Variants in EFCAB5 observed in about 807,000 individuals in gnomAD.
EFCAB5 encodes EF-hand calcium binding domain 5.
Under a neutral mutation model 167.9 loss-of-function variants are expected in EFCAB5, and 131 were observed. The observed-to-expected ratio is 0.78, with a 90% CI of 0.68 to 0.90. The LOEUF is 0.90. Ranked by LOEUF, EFCAB5 falls within the 40% of genes least tolerant of loss-of-function variation. The pLI is 0.00. For synonymous variants in EFCAB5, 574 were observed against 602.8 expected (o/e 0.95, Z 0.70); for missense variants, 1,663 against 1,745.2 (o/e 0.95, Z 0.84).
At chr17:29,930,299 C>T (rs933977101) in intron 1 of EFCAB5, 4 of 456,472 alleles carry the variant, frequency 8.8e-6, no homozygotes, top group African/African-American at 4.2e-5. Context: ...GCCGCCTGGT[C>T]GTAACCCTTG....
At chr17:30,000,111 C>T (rs2068630762) in intron 7 of EFCAB5, 135 bp downstream of exon 7, 1 of 597,000 alleles carries the variant, frequency 1.7e-6, no homozygotes, top group Admixed American at 3.2e-5. Flanking sequence ...AAAATATGTA[C>T]TTTAAAATAT....
Position 29,969,187 on chromosome 17 carries a change from A to G in EFCAB5, c.587A>G (p.Lys196Arg), listed in dbSNP as rs764617359. Residue 196 changes from lysine to arginine, a missense_variant, in exon 4 of 23, where the codon AAG becomes AGG. Physicochemically the swap from Lys to Arg is conservative, Grantham distance 26. Transcript: ENST00000394835. The part of the protein sequence containing the change: ...VENMLTQVEK[K>R]KVLTEADTPS... The stretch of plus-strand genomic sequence containing the variant: ...AACATGTTAACTCAAGTAGAAAAGA[A>G]GAAGGTTTTGACAGAAGCTGATACT... 14 of 1,613,792 alleles carry G rather than the reference A, an allele frequency of 8.7e-6. 1 individual carries two copies. In the Admixed American group the frequency reaches 2.2e-4, roughly 25 times the overall value.
chr17:30,101,744 T>A (rs1157525270), intron 22 of EFCAB5, among the ~76,000 whole-genome samples: 1 of 151,980 alleles, frequency 6.6e-6, no homozygotes, highest in African/African-American at 2.4e-5. Context: ...GAGGAGGAAA[T>A]GGGGTCAAGG....
At chr17:29,993,372 G>T (rs1405471282) in intron 5 of EFCAB5, 51 bp downstream of exon 5, 1 of 1,565,290 alleles carries the variant, frequency 6.4e-7, no homozygotes, top group Non-Finnish European at 8.7e-7. Context: ...AGTGGTAAAA[G>T]GGCAATTGCT....
Position 30,053,356 on chromosome 17 carries a change from A to ATG in EFCAB5, c.1403_1404dup (p.Asn469Ter), listed in dbSNP as rs762004735. On this transcript the variant is annotated frameshift_variant, in exon 10 of 23. Coordinates refer to ENST00000394835, the MANE Select transcript of EFCAB5 (RefSeq NM_198529.4). LOFTEE classifies it high-confidence loss of function. Reference sequence around the variant, plus strand: ...AGGTTTTGACAAAGTGCTCTTGGAGATGAATACATTACTTTCTGCAAATCA... The same window carrying ATG: ...AGGTTTTGACAAAGTGCTCTTGGAGATGTGAATACATTACTTTCTGCAAATCA... 2 of 1,614,034 alleles carry ATG rather than the reference A, an allele frequency of 1.2e-6. No individual in the cohort carries two copies. The highest frequency in any genetic ancestry group is 2.7e-5 in the African/African-American group (2 of 75,058).
intron 9 of EFCAB5, 76 bp downstream of exon 9, chr17:30,051,293 A>C (rs1219685043): frequency 8.4e-7 from 1 of 1,196,122 alleles, no homozygotes; most frequent in East Asian, 2.4e-5. Flanking sequence ...TGATACACTG[A>C]TATGTTAACA....
chr17:30,010,645 T>C (rs2068875721), intron 7 of EFCAB5, among the ~76,000 whole-genome samples: 1 of 152,242 alleles, frequency 6.6e-6, no homozygotes, highest in African/African-American at 2.4e-5. Flanking sequence ...CACTTTTTGA[T>C]GCAGTTGTTT....
intron 22 of EFCAB5, among the ~76,000 whole-genome samples, chr17:30,094,328 T>C (rs2071253751): frequency 6.6e-6 from 1 of 151,964 alleles, no homozygotes; most frequent in Non-Finnish European, 1.5e-5. Flanking sequence ...GTTGTGCACA[T>C]GTGCCCTAAA....
At chr17:30,062,820 G>T (rs1406866907) in intron 14 of EFCAB5, among the ~76,000 whole-genome samples, 1 of 152,130 alleles carries the variant, frequency 6.6e-6, no homozygotes, top group Non-Finnish European at 1.5e-5. Flanking sequence ...GGCCAAAGCT[G>T]AGGCAGTACT....
intron 3 of EFCAB5, among the ~76,000 whole-genome samples, chr17:29,951,525 A>ATT (rs1406367953): frequency 8.4e-6 from 1 of 119,422 alleles, no homozygotes; most frequent in African/African-American, 3.0e-5. Context: ...TTTTTTTTTT[A>ATT]TTTTTTTTTT....
chr17:30,010,554 C>T (rs1369989342), intron 7 of EFCAB5, among the ~76,000 whole-genome samples: 1 of 152,168 alleles, frequency 6.6e-6, no homozygotes, highest in Non-Finnish European at 1.5e-5. Flanking sequence ...TCTCTGATGA[C>T]CAGTGATGAT....
intron 4 of EFCAB5, among the ~76,000 whole-genome samples, chr17:29,971,580 T>C (rs1314535807): frequency 6.6e-6 from 1 of 152,326 alleles, no homozygotes; most frequent in East Asian, 1.9e-4. Flanking sequence ...TTTTTAAAAA[T>C]TAAGACTTGA....
intron 7 of EFCAB5, among the ~76,000 whole-genome samples, chr17:30,025,257 G>A (rs927075804): frequency 1.5e-4 from 22 of 150,842 alleles, no homozygotes; most frequent in East Asian, 5.8e-4. Flanking sequence ...GAAAATTTTC[G>A]CAACCTACTC....
chr17:30,105,494 G>A (rs2071437765), intron 22 of EFCAB5, among the ~76,000 whole-genome samples: 1 of 151,696 alleles, frequency 6.6e-6, no homozygotes, highest in Admixed American at 6.6e-5. Context: ...CTCAAAAAAC[G>A]AAACAAACAA....
At chr17:30,081,319 T>A (rs1445533174) in intron 17 of EFCAB5, among the ~76,000 whole-genome samples, 1 of 152,198 alleles carries the variant, frequency 6.6e-6, no homozygotes, top group East Asian at 1.9e-4. Context: ...CGTATTTGTG[T>A]TTTACTAACA....
intron 8 of EFCAB5, among the ~76,000 whole-genome samples, chr17:30,043,283 T>C (rs950783793): frequency 2.6e-5 from 4 of 152,186 alleles, no homozygotes; most frequent in African/African-American, 9.6e-5. Context: ...ATGAACAACT[T>C]ACAGCTATAC....
intron 19 of EFCAB5, 182 bp from the exon 20 acceptor site, chr17:30,090,239 A>G: frequency 1.3e-6 from 1 of 762,302 alleles, no homozygotes. Context: ...CAGAGACATG[A>G]GTGAGCAAAC....
chr17:30,008,176 G>A (rs568647260), intron 7 of EFCAB5, among the ~76,000 whole-genome samples: 1 of 152,116 alleles, frequency 6.6e-6, no homozygotes, highest in African/African-American at 2.4e-5. Flanking sequence ...ATGAAAATAA[G>A]AAAATTGTTA....
rs1156528880 is a variant in EFCAB5 at position 30,063,328 on chromosome 17, G to A, written c.2737+3627G>A. Among the ~76,000 whole-genome samples the A allele has an allele frequency of 7.2e-5, 11 of 152,162 alleles. 1 individual carries two copies. Among genetic ancestry groups the A allele is most frequent in the Non-Finnish European group, 1.6e-4 (11 of 68,022 alleles). On this transcript the variant is annotated intron_variant, in intron 14 of 22. Coordinates refer to ENST00000394835, the MANE Select transcript of EFCAB5 (RefSeq NM_198529.4). ...CTGAGCCCCACCATTCCATGGTCTT[G>A]TGTCACTACTACACAGTGCCTCATG...
Sources: gnomAD v4.1 joint callset for allele counts (sites outside exome capture counted in the v4.1 genomes callset) on GRCh38, gnomAD v4.1.1 for gene constraint, MANE v1.5 for transcripts, NCBI Gene and HGNC (gene_info 2026-07-23, HGNC 2026-07-21) for gene names.